Variants in PARD3B observed in about 807,000 individuals in gnomAD.
The protein encoded by PARD3B is partitioning defective 3 homolog B.
A neutral mutation model predicts 130.2 loss-of-function variants in PARD3B; 103 were observed. The ratio of observed to expected loss-of-function variants is 0.79; its 90% CI spans 0.67 to 0.93. The LOEUF (loss-of-function observed/expected upper bound fraction) is 0.93. Among genes scored for constraint, PARD3B ranks in the 40% least tolerant of loss-of-function variants. PARD3B has a pLI of 0.00. For synonymous variants in PARD3B, 583 were observed against 553.2 expected (o/e 1.05, Z -0.76); for missense variants, 1,609 against 1,499.2 (o/e 1.07, Z -1.21).
intron 1 of PARD3B, among the ~76,000 whole-genome samples, chr2:204,554,229 C>G (rs2030755550): frequency 6.6e-6 from 1 of 152,044 alleles, no homozygotes; most frequent in African/African-American, 2.4e-5. Context: ...TCTCTGCTTA[C>G]AGTAATGTGG....
At chr2:205,497,656 A>G (rs980412563) in intron 20 of PARD3B, among the ~76,000 whole-genome samples, 14 of 151,704 alleles carry the variant, frequency 9.2e-5, no homozygotes, top group African/African-American at 2.7e-4. Flanking sequence ...TGATCCTCCT[A>G]TATTTCTTTA....
chr2:204,923,239 A>G (rs2047752988), intron 2 of PARD3B, among the ~76,000 whole-genome samples: 1 of 152,110 alleles, frequency 6.6e-6, no homozygotes, highest in Non-Finnish European at 1.5e-5. Context: ...TATTCATATC[A>G]ACCAAAGGTT....
At chr2:205,394,567 C>T (rs1404861989) in intron 18 of PARD3B, among the ~76,000 whole-genome samples, 1 of 152,076 alleles carries the variant, frequency 6.6e-6, no homozygotes, top group Admixed American at 6.6e-5. Context: ...TTTACAATAG[C>T]CAAAAGATGG....
chr2:205,480,775 T>C (rs1354749766), intron 20 of PARD3B, among the ~76,000 whole-genome samples: 2 of 152,062 alleles, frequency 1.3e-5, no homozygotes, highest in Non-Finnish European at 2.9e-5. Context: ...TGAGAATTGA[T>C]AGATAATGAA....
intron 4 of PARD3B, among the ~76,000 whole-genome samples, chr2:205,100,981 T>G (rs1012505728): frequency 6.6e-6 from 1 of 152,008 alleles, no homozygotes. Flanking sequence ...AAAGAAAAAA[T>G]AAATACATTG....
rs1009235480 is a variant in PARD3B at position 205,265,831 on chromosome 2, A to G, written c.2185+20009A>G. ...AATTTTATCAAATACATATTTTTAAATTAAATGGGCTATCAAGTAGAGTTT... is the reference window on the plus strand; with the variant it reads ...AATTTTATCAAATACATATTTTTAAGTTAAATGGGCTATCAAGTAGAGTTT... On this transcript the variant is annotated intron_variant, in intron 16 of 22. Transcript: ENST00000406610. This position sits in a 1 kb window ranked among gnomAD's most constrained non-coding sequence, Gnocchi z 4.3. 1.3e-5 allele frequency among the ~76,000 whole-genome samples: 2 copies of G among 152,044 alleles called. No individual in the cohort carries two copies. Among genetic ancestry groups the G allele is most frequent in the African/African-American group, 4.8e-5 (2 of 41,446 alleles).
intron 4 of PARD3B, among the ~76,000 whole-genome samples, chr2:205,062,357 C>T (rs574153298): frequency 6.6e-6 from 1 of 152,238 alleles, no homozygotes; most frequent in South Asian, 2.1e-4. Context: ...TGTGGATGCC[C>T]TCAGATCACA....
rs182458064 is a variant in PARD3B at position 205,350,289 on chromosome 2, A to G, written c.2630+48588A>G. ...TTCAAGGTACTCAATCTTATTGCCA[A>G]TCTTTTTCAATAAGAAACCATCTCC... is the stretch of plus-strand genomic sequence containing the variant. On this transcript the variant is annotated intron_variant, in intron 18 of 22. Transcript: ENST00000406610. Among the ~76,000 whole-genome samples, 315 of 152,326 alleles carry G rather than the reference A, an allele frequency of 2.1e-3. 2 individuals carry two copies. The highest frequency in any genetic ancestry group is 6.9e-3 in the African/African-American group (288 of 41,576).
intron 12 of PARD3B, among the ~76,000 whole-genome samples, chr2:205,173,875 A>AC (rs2125754582): frequency 6.6e-6 from 1 of 152,204 alleles, no homozygotes; most frequent in East Asian, 1.9e-4. Context: ...ACTCCATGGA[A>AC]CCCGTTTATT....
intron 4 of PARD3B, among the ~76,000 whole-genome samples, chr2:205,071,247 A>T (rs975332796): frequency 6.6e-6 from 1 of 152,108 alleles, no homozygotes; most frequent in Admixed American, 6.5e-5. Context: ...TAATTCTTAC[A>T]AGTTTCCTTC....
intron 21 of PARD3B, among the ~76,000 whole-genome samples, chr2:205,549,499 AC>A (rs2052523581): frequency 6.6e-6 from 1 of 152,172 alleles, no homozygotes; most frequent in Admixed American, 6.6e-5. Context: ...CATGGAGCAA[AC>A]TTAAATGCAT....
chr2:205,301,817 A>C lies in PARD3B; in HGVS notation c.2630+116A>C. On this transcript the variant is annotated intron_variant, in intron 18 of 22. Transcript: ENST00000406610. The surrounding 1 kb of genome is among the most constrained non-coding windows in gnomAD (Gnocchi z 5.2). ...CTTTTCCTCGTCTTCAGCCAAATGC[A>C]TACGGCTCTCAATTCTGTGCTCGTT... 6.7e-7 allele frequency: 1 copy of C among 1,490,314 alleles called. No individual in the cohort carries two copies. The highest frequency in any genetic ancestry group is 9.4e-7 in the Non-Finnish European group (1 of 1,067,332). The allele number at this position is 1,490,314 out of a possible 1,614,324, so 92.3% of individuals were successfully genotyped here.
intron 18 of PARD3B, among the ~76,000 whole-genome samples, chr2:205,362,012 A>G (rs1248381902): frequency 6.8e-6 from 1 of 147,494 alleles, no homozygotes; most frequent in Non-Finnish European, 1.5e-5. Flanking sequence ...TTTTTTTTAG[A>G]TTCAAACAGC....
intron 2 of PARD3B, among the ~76,000 whole-genome samples, chr2:204,742,560 C>T (rs2040053428): frequency 6.6e-6 from 1 of 152,148 alleles, no homozygotes; most frequent in African/African-American, 2.4e-5. Context: ...GTTGCTCTGT[C>T]TATATGGTTT....
At chr2:205,505,251 G>C (rs1030091142) in intron 21 of PARD3B, among the ~76,000 whole-genome samples, 2 of 151,472 alleles carry the variant, frequency 1.3e-5, no homozygotes, top group Non-Finnish European at 2.9e-5. Context: ...GGGGTGGGGG[G>C]AGTGGGGAGG....
chr2:205,360,906 G>T (rs999456945), intron 18 of PARD3B, among the ~76,000 whole-genome samples: 1 of 152,064 alleles, frequency 6.6e-6, no homozygotes, highest in African/African-American at 2.4e-5. Context: ...AGTCTCATTG[G>T]TGTCTTTATT....
At chr2:204,658,625 T>A (rs1297672926) in intron 1 of PARD3B, among the ~76,000 whole-genome samples, 8 of 152,172 alleles carry the variant, frequency 5.3e-5, no homozygotes, top group East Asian at 1.9e-4. Context: ...ACAAATTATT[T>A]TTTTTTTCTT....
chr2:204,582,006 A>G (rs942663440), intron 1 of PARD3B, among the ~76,000 whole-genome samples: 2 of 152,140 alleles, frequency 1.3e-5, no homozygotes, highest in African/African-American at 4.8e-5. Context: ...TGTGATGTGT[A>G]TTAATGGTTT....
intron 14 of PARD3B, among the ~76,000 whole-genome samples, chr2:205,188,979 G>C (rs1171786665): frequency 1.3e-5 from 2 of 152,078 alleles, no homozygotes; most frequent in Non-Finnish European, 2.9e-5. Flanking sequence ...GATTATTACA[G>C]AAAAGTTTAT....
Sources: allele counts gnomAD v4.1 joint callset (sites outside exome capture counted in the v4.1 genomes callset), GRCh38; gene constraint gnomAD v4.1.1; non-coding constraint Gnocchi (gnomAD v3.1); transcripts MANE v1.5; gene names NCBI Gene and HGNC (gene_info 2026-07-23, HGNC 2026-07-21).